HDAC7: variants seen among roughly 807,000 people sequenced by gnomAD.
HDAC7 encodes histone deacetylase 7A.
In HDAC7, 26 loss-of-function variants were observed where a neutral mutation model predicts 115.5. That is an observed-to-expected ratio of 0.23 (90% CI 0.16 to 0.31). The LOEUF is 0.31. HDAC7 is among the 10% of genes least tolerant of loss of function. HDAC7 has a pLI of 1.00. For synonymous variants in HDAC7, 564 were observed against 550.9 expected (o/e 1.02, Z -0.33); for missense variants, 1,068 against 1,329.0 (o/e 0.80, Z 3.05).
intron 21 of HDAC7, 45 bp from the exon 22 acceptor site, chr12:47,786,748 G>T (rs764677620): frequency 9.3e-6 from 14 of 1,512,838 alleles, no homozygotes; most frequent in Middle Eastern, 1.7e-4. Context: ...GTGCAGGGTT[G>T]CCAGGGGCGG....
In HDAC7 at chr12:47,785,732, G is replaced by T. The variant is rs775468223; in HGVS notation, c.2706+20C>A. 8.8e-6 allele frequency: 14 copies of T among 1,596,958 alleles called. No homozygotes were observed. The highest frequency in any genetic ancestry group is 1.7e-5 in the Admixed American group (1 of 57,732). ...TTACCTGCCTGACAGAAGCATGGAT[G>T]GGGGAGGGAGACGGCTCACCCTGTT... On this transcript the variant is annotated intron_variant, in intron 23 of 25. Coordinates refer to ENST00000080059, the MANE Select transcript of HDAC7 (RefSeq NM_015401.5).
intron 21 of HDAC7, 140 bp from the exon 22 acceptor site, chr12:47,786,843 CT>C (rs1222104128): frequency 1.5e-6 from 1 of 660,626 alleles, no homozygotes; most frequent in Non-Finnish European, 2.7e-6. Flanking sequence ...TTTCTCTGAC[CT>C]CCTTGACCTT....
chr12:47,795,908 T>C lies in HDAC7; in HGVS notation c.904A>G (p.Arg302Gly), dbSNP rs907736037. 1.3e-6 allele frequency: 2 copies of C among 1,549,036 alleles called. No individual in the cohort carries two copies. Among genetic ancestry groups the C allele is most frequent in the Admixed American group, 2.0e-5 (1 of 51,128 alleles). Reference sequence around the variant, plus strand: ...GGGTGGGCACCCCAGCCACTCACCCTGGCAGGGGCGGGCAGCCCCAGAGTG... The same window carrying C: ...GGGTGGGCACCCCAGCCACTCACCCCGGCAGGGGCGGGCAGCCCCAGAGTG... ...AITLGLPAPA[R>G]ADSDRRTHPT... is the part of the protein sequence containing the mutation. Residue 302 changes from arginine to glycine, a missense_variant and splice_region_variant, in exon 9 of 26, where the codon AGG (arginine) becomes GGG (glycine). By Grantham distance (125) the Arg-to-Gly change is moderately radical (BLOSUM62 -2). Coordinates refer to ENST00000080059, the MANE Select transcript of HDAC7 (RefSeq NM_015401.5). This position sits in a 1 kb window ranked among gnomAD's most constrained non-coding sequence, Gnocchi z 4.3.
Position 47,784,222 on chromosome 12 carries a change from G to T in HDAC7, c.2792-5C>A. The T allele has an allele frequency of 6.2e-7, 1 of 1,608,672 alleles. No individual in the cohort carries two copies. The highest frequency in any genetic ancestry group is 8.5e-7 in the Non-Finnish European group (1 of 1,177,552). On this transcript the variant is annotated splice_polypyrimidine_tract_variant and splice_region_variant and intron_variant, in intron 24 of 25. Coordinates refer to ENST00000080059, the MANE Select transcript of HDAC7 (RefSeq NM_015401.5). ...GCATGCAGCCCCAGTATTTACCTGG[G>T]GTAAGATGCCAGGTCAGAAAGGGTT...
At chr12:47,805,061 T>G (rs1944337589) in intron 1 of HDAC7, among the ~76,000 whole-genome samples, 1 of 149,432 alleles carries the variant, frequency 6.7e-6, no homozygotes, top group Non-Finnish European at 1.5e-5. Context: ...ATGCCTCCAG[T>G]GTCTTTTCTT....
chr12:47,802,949 G>A (rs1377777630), intron 1 of HDAC7, among the ~76,000 whole-genome samples: 2 of 152,198 alleles, frequency 1.3e-5, no homozygotes, highest in African/African-American at 4.8e-5. Flanking sequence ...CCCATCCTAT[G>A]TCCTGCTGCC....
At position 47,797,057 on chromosome 12, in the gene HDAC7, C is replaced by T. The variant is rs780783642; in HGVS notation, c.663G>A (p.Ala221=). 6.9e-6 allele frequency: 11 copies of T among 1,600,728 alleles called. No individual in the cohort carries two copies. The Middle Eastern group carries it at 8.4e-4, about 122-fold the overall frequency. Residue 221 remains alanine, a synonymous_variant, in exon 7 of 26, where the codon GCG becomes GCA. Transcript: ENST00000080059. This position sits in a 1 kb window ranked among gnomAD's most constrained non-coding sequence, Gnocchi z 5.5. ...CGGGCCGCCGCCGGAGGCTGGGGGG[C>T]GCACTCTCCTTTCGGAGCAGTGGAT... is the stretch of plus-strand genomic sequence containing the variant. The part of the protein sequence containing the change: ...RKNPLLRKES[A]PPSLRRRPAE...
chr12:47,785,259 A>G (rs1274804159), intron 24 of HDAC7, 128 bp downstream of exon 24: 1 of 755,214 alleles, frequency 1.3e-6, no homozygotes, highest in South Asian at 1.7e-5. Flanking sequence ...ACTCACAGGA[A>G]TCTTACTCCA....
At position 47,793,543 on chromosome 12, in the gene HDAC7, C is replaced by T; in HGVS notation, c.1504G>A (p.Gly502Ser). The T allele has an allele frequency of 6.5e-7, 1 of 1,546,770 alleles. No individual in the cohort carries two copies. Among genetic ancestry groups the T allele is most frequent in the Non-Finnish European group, 8.7e-7 (1 of 1,146,004 alleles). ...AGCAGCACAGTGTCCCCGGTGCTGC[C>T]CCGGGGGAGCCGCCCAGCCAGTCGC... ...QQRLAGRLPR[G>S]STGDTVLLPL... Residue 502 changes from glycine (G) to serine (S), a missense_variant, in exon 13 of 26, where the codon GGC becomes AGC. Physicochemically the swap from Gly to Ser is moderately conservative, Grantham distance 56 (BLOSUM62 0). This residue lies in a region of HDAC7 where 618 missense variants were observed against 701.5 expected (regional missense o/e 0.88). Coordinates refer to ENST00000080059, the MANE Select transcript of HDAC7 (RefSeq NM_015401.5). This position sits in a 1 kb window ranked among gnomAD's most constrained non-coding sequence, Gnocchi z 4.5.
intron 1 of HDAC7, among the ~76,000 whole-genome samples, chr12:47,816,910 G>A (rs893392878): frequency 1.5e-4 from 23 of 152,102 alleles, no homozygotes; most frequent in Admixed American, 4.6e-4. Flanking sequence ...CCCAGCCCGC[G>A]AGTCCATGCT....
In HDAC7 at chr12:47,802,341, A is replaced by G. The variant is rs1249570717; in HGVS notation, c.20-67T>C. 3 of 1,562,772 alleles carry G rather than the reference A, an allele frequency of 1.9e-6. No homozygotes were observed. In the East Asian group the frequency reaches 6.9e-5, roughly 36 times the overall value. On this transcript the variant is annotated intron_variant, in intron 1 of 25. Transcript: ENST00000080059. Reference sequence around the variant, plus strand: ...TGAGGAGAGGGAGCAGGAAGGAAAGAAGGTCAAGCCAGGCCTGCTCCCTGC... The same window carrying G: ...TGAGGAGAGGGAGCAGGAAGGAAAGGAGGTCAAGCCAGGCCTGCTCCCTGC...
chr12:47,817,129 C>T (rs1191319407), intron 1 of HDAC7, among the ~76,000 whole-genome samples: 3 of 152,206 alleles, frequency 2.0e-5, no homozygotes, highest in African/African-American at 7.2e-5. Context: ...AAACACAATA[C>T]CCGGCAGGGT....
At chr12:47,820,140 G>A (rs1944983011), upstream of HDAC7, among the ~76,000 whole-genome samples, 1 of 151,068 alleles carries the variant, frequency 6.6e-6, no homozygotes, top group Non-Finnish European at 1.5e-5. This position sits in a 1 kb window ranked among gnomAD's most constrained non-coding sequence, Gnocchi z 4.3. Context: ...TGCCGGGGAG[G>A]CAGCGCCGAA....
At chr12:47,801,183 G>C (rs1944146869) in intron 2 of HDAC7, among the ~76,000 whole-genome samples, 1 of 152,190 alleles carries the variant, frequency 6.6e-6, no homozygotes, top group African/African-American at 2.4e-5. Flanking sequence ...TCACATGGCT[G>C]TTCCACACCA....
At chr12:47,796,063 C>A (rs1489036400) in intron 8 of HDAC7, 47 bp from the exon 9 acceptor site, 1 of 1,537,688 alleles carries the variant, frequency 6.5e-7, no homozygotes, top group Non-Finnish European at 8.8e-7. Context: ...GACCTCTACC[C>A]CGGCGCACCT....
chr12:47,796,578 C>T (rs908512353), intron 7 of HDAC7, among the ~76,000 whole-genome samples: 10 of 152,064 alleles, frequency 6.6e-5, no homozygotes, highest in African/African-American at 2.4e-4. Context: ...CATGCACCAC[C>T]GTGCCTGGCT....
At chr12:47,802,098 C>A in intron 2 of HDAC7, 126 bp downstream of exon 2, 2 of 1,036,046 alleles carry the variant, frequency 1.9e-6, no homozygotes, top group South Asian at 3.0e-5. Flanking sequence ...GCCGCCACCT[C>A]CTGGCTCTCT....
In HDAC7 at chr12:47,797,461, G is replaced by A. The variant is rs774438678; in HGVS notation, c.500C>T (p.Ser167Phe). The part of the protein sequence containing the change: ...EPLETEGATR[S>F]MLSSFLPPVP... ...AGGAGGCAAAAAGCTGCTGAGCATG[G>A]AGCGGGTGGCTCCTTCCGTCTCCAG... is the stretch of plus-strand genomic sequence containing the variant. Residue 167 changes from serine (S) to phenylalanine (F), a missense_variant, in exon 6 of 26, where the codon TCC (serine) becomes TTC (phenylalanine). By Grantham distance (155) the Ser-to-Phe change is radical (BLOSUM62 -2). Transcript: ENST00000080059. This position sits in a 1 kb window ranked among gnomAD's most constrained non-coding sequence, Gnocchi z 5.5. The A allele has an allele frequency of 6.8e-6, 11 of 1,614,032 alleles. No homozygotes were observed. In the South Asian group the frequency reaches 1.2e-4, roughly 18 times the overall value.
upstream of HDAC7, among the ~76,000 whole-genome samples, chr12:47,821,135 C>G (rs1945011505): frequency 6.6e-6 from 1 of 152,202 alleles, no homozygotes; most frequent in Non-Finnish European, 1.5e-5. Flanking sequence ...CTATCTCCCG[C>G]AATCCTAAGA....
Sources: allele counts gnomAD v4.1 joint callset (sites outside exome capture counted in the v4.1 genomes callset), GRCh38; gene constraint gnomAD v4.1.1; regional missense constraint gnomAD v4.1.1; non-coding constraint Gnocchi (gnomAD v3.1); transcripts MANE v1.5; gene names NCBI Gene and HGNC (gene_info 2026-07-23, HGNC 2026-07-21).